The following ADAMTSL1 variants were observed in gnomAD, a reference collection of about 807,000 sequenced individuals.
ADAMTSL1 encodes the protein ADAMTS like 1, also known as ADAMTS-like protein 1.
Under a neutral mutation model 201.8 loss-of-function variants are expected in ADAMTSL1, and 126 were observed. The observed-to-expected ratio is 0.62, with a 90% confidence interval of 0.54 to 0.72. The LOEUF (loss-of-function observed/expected upper bound fraction) is 0.72, where lower values mean the gene tolerates loss of function less well. Among genes scored for constraint, ADAMTSL1 ranks in the 30% least tolerant of loss-of-function variants. The pLI, the probability that ADAMTSL1 is intolerant of heterozygous loss-of-function variation, is 0.00. For missense variants in ADAMTSL1, 2,679 were observed against 2,277.8 expected, an observed-to-expected ratio of 1.18 and a Z score of -3.59; for synonymous variants, 1,121 against 903.4, an observed-to-expected ratio of 1.24 and a Z score of -4.32.
intron 1 of ADAMTSL1, among the ~76,000 whole-genome samples, chr9:17,917,191 T>C (rs1826127317): frequency 6.6e-6 from 1 of 152,132 alleles, no homozygotes; most frequent in African/African-American, 2.4e-5. Flanking sequence ...ACATAAGTGA[T>C]TGTCTTGTGC....
intron 2 of ADAMTSL1, among the ~76,000 whole-genome samples, chr9:18,187,375 G>A (rs917706937): frequency 6.6e-6 from 1 of 152,046 alleles, no homozygotes; most frequent in Non-Finnish European, 1.5e-5. Flanking sequence ...AATTTCAAAG[G>A]TGTAAACCTG....
intron 1 of ADAMTSL1, among the ~76,000 whole-genome samples, chr9:18,489,142 T>C (rs1450139141): frequency 6.6e-6 from 1 of 152,214 alleles, no homozygotes; most frequent in Non-Finnish European, 1.5e-5. Context: ...AATTTGAATG[T>C]ATAGACAGAG....
chr9:18,382,083 T>C (rs545147366), intron 2 of ADAMTSL1, among the ~76,000 whole-genome samples: 4 of 152,170 alleles, frequency 2.6e-5, no homozygotes, highest in Non-Finnish European at 4.4e-5. Flanking sequence ...ATGCAATGAT[T>C]GTGTAGATTG....
intron 3 of ADAMTSL1, among the ~76,000 whole-genome samples, chr9:18,548,841 T>A (rs1820627156): frequency 6.6e-6 from 1 of 151,908 alleles, no homozygotes; most frequent in African/African-American, 2.4e-5. Flanking sequence ...AAATTTGCAA[T>A]TCAAAAATCT....
rs201244492 is a variant in ADAMTSL1 at position 18,607,808 on chromosome 9, A to G, written c.475-14435A>G. Among the ~76,000 whole-genome samples, 6 of 149,382 alleles carry G rather than the reference A, an allele frequency of 4.0e-5. No individual in the cohort carries two copies. In the East Asian group the frequency reaches 7.9e-4, roughly 20 times the overall value. ...TGTTCTCATTGTTCAGTTCCCACCT[A>G]TGAGTGAGAACATGCGGTGTTCGGT... On this transcript the variant is annotated intron_variant, in intron 4 of 28. Coordinates refer to ENST00000380548, the MANE Select transcript of ADAMTSL1 (RefSeq NM_001040272.6).
chr9:18,863,483 G>T (rs751623074), intron 23 of ADAMTSL1, among the ~76,000 whole-genome samples: 13 of 152,180 alleles, frequency 8.5e-5, no homozygotes, highest in Non-Finnish European at 1.8e-4. Flanking sequence ...TTGGGAAAAT[G>T]TACATGGGAA....
At chr9:17,948,954 C>CCAGTT (rs1397422259) in intron 1 of ADAMTSL1, among the ~76,000 whole-genome samples, 2 of 152,060 alleles carry the variant, frequency 1.3e-5, no homozygotes, top group Non-Finnish European at 2.9e-5. Context: ...TGAGGATGAG[C>CCAGTT]CAGTTTAAAT....
At chr9:18,438,133 C>T (rs1819823449) in intron 2 of ADAMTSL1, among the ~76,000 whole-genome samples, 1 of 151,508 alleles carries the variant, frequency 6.6e-6, no homozygotes, top group South Asian at 2.1e-4. Flanking sequence ...CAAGCAGAAT[C>T]TAAAGTCTCT....
chr9:18,440,062 C>A (rs1819929438), intron 2 of ADAMTSL1, among the ~76,000 whole-genome samples: 1 of 152,186 alleles, frequency 6.6e-6, no homozygotes, highest in Admixed American at 6.5e-5. Context: ...AGCTAGCTAA[C>A]CACTGCAGAC....
chr9:18,867,581 C>T (rs538965351), intron 23 of ADAMTSL1, among the ~76,000 whole-genome samples: 1 of 152,296 alleles, frequency 6.6e-6, no homozygotes, highest in East Asian at 1.9e-4. Flanking sequence ...TGCCCCACTC[C>T]ATCCTACTCA....
intron 1 of ADAMTSL1, among the ~76,000 whole-genome samples, chr9:18,054,927 T>C (rs530897589): frequency 6.6e-6 from 1 of 152,258 alleles, no homozygotes; most frequent in East Asian, 1.9e-4. Context: ...TCCAACTATT[T>C]ATTTGGAACT....
At chr9:18,810,427 G>C (rs1173224996) in intron 20 of ADAMTSL1, among the ~76,000 whole-genome samples, 9 of 152,068 alleles carry the variant, frequency 5.9e-5, no homozygotes. Flanking sequence ...GGTACAAACA[G>C]GAATACAGGA....
At chr9:17,922,881 A>C (rs931701727) in intron 1 of ADAMTSL1, among the ~76,000 whole-genome samples, 1 of 152,212 alleles carries the variant, frequency 6.6e-6, no homozygotes, top group Non-Finnish European at 1.5e-5. Context: ...CTCAGCTCTC[A>C]GTCACTCTGC....
intron 6 of ADAMTSL1, 79 bp from the exon 7 acceptor site, chr9:18,639,175 A>G: frequency 2.1e-6 from 3 of 1,421,712 alleles, no homozygotes; most frequent in Middle Eastern, 1.8e-4. Flanking sequence ...CTAGCTCTAA[A>G]CATTGTTGCA....
intron 1 of ADAMTSL1, among the ~76,000 whole-genome samples, chr9:17,942,546 G>C (rs748522552): frequency 6.6e-6 from 1 of 152,150 alleles, no homozygotes; most frequent in Non-Finnish European, 1.5e-5. Context: ...AAAATGATTG[G>C]ATGATGCTCA....
intron 1 of ADAMTSL1, among the ~76,000 whole-genome samples, chr9:18,499,132 G>T (rs1003585115): frequency 2.0e-5 from 3 of 152,228 alleles, no homozygotes; most frequent in African/African-American, 7.2e-5. Context: ...GCCTCTGAAA[G>T]ACCATGCACT....
chr9:18,158,993 A>G (rs1827272262), intron 1 of ADAMTSL1, among the ~76,000 whole-genome samples: 1 of 152,048 alleles, frequency 6.6e-6, no homozygotes, highest in South Asian at 2.1e-4. Context: ...GTTTCTATTC[A>G]GCTATTTATC....
At chr9:18,239,650 A>G (rs1443118170) in intron 2 of ADAMTSL1, among the ~76,000 whole-genome samples, 1 of 152,130 alleles carries the variant, frequency 6.6e-6, no homozygotes, top group Non-Finnish European at 1.5e-5. Flanking sequence ...CGGGAGGCTG[A>G]GGCATGACAA....
intron 5 of ADAMTSL1, among the ~76,000 whole-genome samples, chr9:18,635,652 C>T (rs569545737): frequency 6.6e-6 from 1 of 152,158 alleles, no homozygotes; most frequent in Non-Finnish European, 1.5e-5. Flanking sequence ...TCATATAAGA[C>T]CAGATTTTAA....
Sources: gnomAD v4.1 joint callset for allele counts (sites outside exome capture counted in the v4.1 genomes callset) on GRCh38, gnomAD v4.1.1 for gene constraint, MANE v1.5 for transcripts, NCBI Gene and HGNC (gene_info 2026-07-23, HGNC 2026-07-21) for gene names.